The following UQCC1 variants were observed in gnomAD, a reference collection of about 807,000 sequenced individuals.
UQCC1 encodes the protein ubiquinol-cytochrome c reductase complex assembly factor 1, also known as bFGF-repressed Zic-binding protein.
In UQCC1, 38 loss-of-function variants were observed where a neutral mutation model predicts 48.0. The observed-to-expected ratio is 0.79, with a 90% CI of 0.61 to 1.04. UQCC1 has a LOEUF of 1.04. UQCC1 is among the 50% of genes least tolerant of loss of function. The probability of loss-of-function intolerance (pLI) is 0.00; values close to 1 mark genes in which losing one functional copy is unlikely to be tolerated. For missense variants in UQCC1, 368 were observed against 381.8 expected, an observed-to-expected ratio of 0.96 and a Z score of 0.30; for synonymous variants, 111 against 129.2, an observed-to-expected ratio of 0.86 and a Z score of 0.95.
intron 7 of UQCC1, among the ~76,000 whole-genome samples, chr20:35,337,005 C>T (rs1335230705): frequency 6.6e-6 from 1 of 151,658 alleles, no homozygotes; most frequent in East Asian, 1.9e-4. Flanking sequence ...AACAAAGACA[C>T]CCGAGTTCTA....
Position 35,333,440 on chromosome 20 carries a change from C to T in UQCC1, c.573+13724G>A, listed in dbSNP as rs570828865. Reference sequence around the variant, plus strand: ...CATCAAAATATCTAAATAAGGGAAGCGCTGTACTTTTTGGCAGTTGTGGCA... The same window carrying T: ...CATCAAAATATCTAAATAAGGGAAGTGCTGTACTTTTTGGCAGTTGTGGCA... On this transcript the variant is annotated intron_variant, in intron 7 of 9. Transcript: ENST00000374385. 2.8e-3 allele frequency among the ~76,000 whole-genome samples: 429 copies of T among 152,294 alleles called. 2 individuals are homozygous for T. The highest frequency in any genetic ancestry group is 4.6e-3 in the Non-Finnish European group (311 of 68,032).
At chr20:35,309,914 C>T (rs569246698) in intron 8 of UQCC1, among the ~76,000 whole-genome samples, 2 of 152,346 alleles carry the variant, frequency 1.3e-5, no homozygotes, top group South Asian at 2.1e-4. Flanking sequence ...GCACATCTAA[C>T]AGCAGCACAG....
intron 7 of UQCC1, among the ~76,000 whole-genome samples, chr20:35,324,589 G>C (rs1028869310): frequency 6.6e-6 from 1 of 152,180 alleles, no homozygotes; most frequent in African/African-American, 2.4e-5. Context: ...GCCTCCCAAA[G>C]TGCTGGGATT....
At chr20:35,310,644 C>CA (rs1199768843) in intron 8 of UQCC1, among the ~76,000 whole-genome samples, 1,486 of 42,976 alleles carry the variant, frequency 0.035, 69 homozygotes, top group African/African-American at 0.062. Context: ...GACTCTGTCT[C>CA]AAAAAAAAAA....
At chr20:35,312,502 C>G (rs1451572926) in intron 8 of UQCC1, among the ~76,000 whole-genome samples, 2 of 152,150 alleles carry the variant, frequency 1.3e-5, no homozygotes, top group East Asian at 3.9e-4. Context: ...AAAGAAATCC[C>G]CACCCAGCCA....
intron 1 of UQCC1, among the ~76,000 whole-genome samples, chr20:35,404,412 C>T (rs1333944206): frequency 2.1e-5 from 3 of 141,494 alleles, no homozygotes; most frequent in Non-Finnish European, 3.0e-5. Flanking sequence ...TGGTGGCAGG[C>T]GCCTGTAGTC....
At chr20:35,374,829 C>T (rs1032171388) in intron 4 of UQCC1, among the ~76,000 whole-genome samples, 2 of 152,114 alleles carry the variant, frequency 1.3e-5, no homozygotes, top group South Asian at 2.1e-4. Context: ...AAGAATCAAA[C>T]TTTTACTATT....
rs182322218 is a variant in UQCC1, at chr20:35,398,590, T to C, written c.25-4394A>G. 6.8e-3 allele frequency among the ~76,000 whole-genome samples: 1,033 copies of C among 152,234 alleles called. 14 individuals are homozygous for C. Among genetic ancestry groups the C allele is most frequent in the African/African-American group, 0.024 (987 of 41,522 alleles). On this transcript the variant is annotated intron_variant, in intron 1 of 9. Transcript: ENST00000374385. ...AGCTAAAAATATTTTATTTGAGCTG[T>C]GGTTGGATCAGTTGAAATGGTTTTC...
chr20:35,316,435 C>CA (rs1334341061), intron 7 of UQCC1, among the ~76,000 whole-genome samples: 7 of 152,210 alleles, frequency 4.6e-5, no homozygotes, highest in Admixed American at 4.6e-4. Context: ...ACACTCCTTA[C>CA]AGTCTGCCAG....
chr20:35,410,704 CAAA>C (rs1183843739), intron 1 of UQCC1, among the ~76,000 whole-genome samples: 11 of 2,710 alleles, frequency 4.1e-3, no homozygotes, highest in Admixed American at 6.5e-3. Flanking sequence ...GACTCTGCCT[CAAA>C]AAAAAAAAAA....
intron 1 of UQCC1, among the ~76,000 whole-genome samples, chr20:35,405,749 G>A (rs1044624529): frequency 6.6e-6 from 1 of 152,122 alleles, no homozygotes; most frequent in African/African-American, 2.4e-5. Context: ...TTAGCCGGGC[G>A]TGGTGGCAGG....
chr20:35,347,551 GCTCCCTCATAC>G (rs1217226093), intron 6 of UQCC1, among the ~76,000 whole-genome samples: 4 of 151,948 alleles, frequency 2.6e-5, no homozygotes, highest in Admixed American at 2.6e-4. Context: ...ACCTCTGAAG[GCTCCCTCATAC>G]CTGGAGGGAA....
At chr20:35,392,339 T>C in intron 2 of UQCC1, 1 of 1,240,660 alleles carries the variant, frequency 8.1e-7, no homozygotes, top group South Asian at 1.3e-5. Context: ...CCAGTTGATT[T>C]ACAATGACTA....
intron 1 of UQCC1, among the ~76,000 whole-genome samples, chr20:35,406,165 G>A (rs2062247533): frequency 6.6e-6 from 1 of 152,144 alleles, no homozygotes; most frequent in Non-Finnish European, 1.5e-5. Context: ...TATAATTAGA[G>A]TCTCAGAAGG....
intron 1 of UQCC1, among the ~76,000 whole-genome samples, chr20:35,411,739 C>A (rs1278833137): frequency 6.6e-6 from 1 of 152,136 alleles, no homozygotes; most frequent in African/African-American, 2.4e-5. Flanking sequence ...TTCCCCTTCT[C>A]GAAAGATGGG....
intron 6 of UQCC1, among the ~76,000 whole-genome samples, chr20:35,348,518 C>T (rs1248916325): frequency 6.6e-6 from 1 of 151,958 alleles, no homozygotes; most frequent in African/African-American, 2.4e-5. Flanking sequence ...GCCTCCCAAG[C>T]AGCTGGGACT....
At chr20:35,376,781 G>A (rs915788432) in intron 4 of UQCC1, among the ~76,000 whole-genome samples, 1 of 152,024 alleles carries the variant, frequency 6.6e-6, no homozygotes, top group African/African-American at 2.4e-5. Flanking sequence ...TGGCCAACAT[G>A]GTGAAACTCC....
intron 1 of UQCC1, among the ~76,000 whole-genome samples, chr20:35,399,337 C>T (rs2146528021): frequency 6.6e-6 from 1 of 152,302 alleles, no homozygotes; most frequent in East Asian, 1.9e-4. Context: ...TTTCCAAGGA[C>T]CTCTTTATTG....
intron 4 of UQCC1, among the ~76,000 whole-genome samples, 158 bp downstream of exon 4, chr20:35,381,760 G>C (rs551138393): frequency 6.6e-6 from 1 of 152,262 alleles, no homozygotes; most frequent in African/African-American, 2.4e-5. Context: ...AATCAACCCT[G>C]GTGATCAATG....
Sources: gnomAD v4.1 joint callset for allele counts (sites outside exome capture counted in the v4.1 genomes callset) on GRCh38, gnomAD v4.1.1 for gene constraint, MANE v1.5 for transcripts, NCBI Gene and HGNC (gene_info 2026-07-23, HGNC 2026-07-21) for gene names.